The following CTPS2 variants were observed in gnomAD, a reference collection of about 807,000 sequenced individuals.
The protein encoded by CTPS2 is CTP synthase II.
CTPS2 carries 19 observed loss-of-function variants against 46.8 expected under a neutral mutation model. The observed-to-expected ratio is 0.41, with a 90% CI of 0.28 to 0.60. The LOEUF is 0.60. Ranked by LOEUF, CTPS2 falls within the 20% of genes least tolerant of loss-of-function variation. The pLI, the probability that CTPS2 is intolerant of heterozygous loss-of-function variation, is 0.35. For missense variants in CTPS2, 286 were observed against 447.6 expected (o/e 0.64, Z 3.26); for synonymous variants, 151 against 165.2 (o/e 0.91, Z 0.66).
chrX:16,676,463 T>C (rs1922284848), intron 10 of CTPS2, among the ~76,000 whole-genome samples: 1 of 112,206 alleles, frequency 8.9e-6, no homozygotes, highest in Admixed American at 9.5e-5. Context: ...TATCTGAGAT[T>C]CCTTATGGAA....
intron 10 of CTPS2, among the ~76,000 whole-genome samples, chrX:16,674,421 C>T (rs1341043316): frequency 9.0e-6 from 1 of 111,204 alleles, no homozygotes; most frequent in Non-Finnish European, 1.9e-5. Context: ...CCTCAGCCTC[C>T]CAAAGTGCTG....
rs764694933 is a variant in CTPS2 at position 16,693,213 on chromosome X, G to A, written c.567C>T (p.Thr189=). 28 of 1,206,352 alleles carry A rather than the reference G, an allele frequency of 2.3e-5. No homozygotes were observed. The highest frequency in any genetic ancestry group is 5.9e-5 in the East Asian group (2 of 33,713). ...HVSLVPQLSA[T]GEQKTKPTQN... The stretch of plus-strand genomic sequence containing the variant: ...GGGTGGGTTTGGTTTTTTGTTCTCC[G>A]GTAGCACTGAGCTGAAAAAAAATGG... The change falls in exon 6 of 19, where the codon ACC becomes ACT. Residue 189 remains threonine, a synonymous_variant. Transcript: ENST00000359276.
rs1298751693 is a variant in CTPS2, at chrX:16,680,585, GA to G, written c.1006-2136del. Among the ~76,000 whole-genome samples, 169 of 98,389 alleles carry G rather than the reference GA, an allele frequency of 1.7e-3. 1 individual carries two copies. The highest frequency in any genetic ancestry group is 5.6e-3 in the African/African-American group (152 of 27,118). The allele number at this position is 98,389 out of a possible 115,157, so 85.4% of individuals were successfully genotyped here. A position where few individuals can be genotyped will look rare whatever the true frequency, so the allele number is the denominator to read the frequency against. On this transcript the variant is annotated intron_variant, in intron 9 of 18. Transcript: ENST00000359276. ...AAAAAAAAAGAAAAAGAAAAGAAAAGAAAAAAAAAAGACTATTCAAATAAAC... is the reference window on the plus strand; with the variant it reads ...AAAAAAAAAGAAAAAGAAAAGAAAAGAAAAAAAAAGACTATTCAAATAAAC...
intron 17 of CTPS2, among the ~76,000 whole-genome samples, chrX:16,608,487 G>A (rs1930102295): frequency 9.0e-6 from 1 of 111,073 alleles, no homozygotes; most frequent in Admixed American, 9.7e-5. Context: ...CCAGCTAATT[G>A]GGAGACTGAG....
At chrX:16,673,052 A>G (rs1392336303) in intron 10 of CTPS2, among the ~76,000 whole-genome samples, 4 of 104,737 alleles carry the variant, frequency 3.8e-5, no homozygotes, top group African/African-American at 7.0e-5. Context: ...ACGCCCGGCT[A>G]ATTTTTTGTA....
chrX:16,614,885 T>A (rs1004074393), intron 16 of CTPS2, among the ~76,000 whole-genome samples: 4 of 109,953 alleles, frequency 3.6e-5, no homozygotes, highest in Non-Finnish European at 5.7e-5. Context: ...ACAAAAAAAA[T>A]TTTAAAATTG....
At chrX:16,621,868 C>A (rs1395665530) in intron 14 of CTPS2, among the ~76,000 whole-genome samples, 1 of 111,506 alleles carries the variant, frequency 9.0e-6, no homozygotes, top group Non-Finnish European at 1.9e-5. Context: ...CACAGCTGAA[C>A]TTCTATTTGC....
intron 6 of CTPS2, 62 bp downstream of exon 6, chrX:16,693,079 A>AG: frequency 1.4e-6 from 1 of 712,277 alleles, no homozygotes; most frequent in South Asian, 2.5e-5. Context: ...AAAAAAAAAA[A>AG]GAAGTGAAGG....
chrX:16,600,485 G>A (rs1180115588), intron 17 of CTPS2, among the ~76,000 whole-genome samples: 1 of 111,518 alleles, frequency 9.0e-6, no homozygotes, highest in Non-Finnish European at 1.9e-5. Flanking sequence ...AAGAACAATG[G>A]AACAAAAACT....
At chrX:16,685,437 C>T (rs964618724) in intron 8 of CTPS2, among the ~76,000 whole-genome samples, 1 of 110,898 alleles carries the variant, frequency 9.0e-6, no homozygotes, top group African/African-American at 3.3e-5. Context: ...CAAGGTCTCC[C>T]TCATGTGCCC....
chrX:16,665,121 TC>T (rs201544436), intron 13 of CTPS2, among the ~76,000 whole-genome samples: 1,335 of 112,110 alleles, frequency 0.012, 19 homozygotes, highest in African/African-American at 0.041. Context: ...ATGGCTATCA[TC>T]AAAAAGACAG....
intron 14 of CTPS2, among the ~76,000 whole-genome samples, chrX:16,623,839 C>T (rs375490138): frequency 2.5e-4 from 19 of 75,030 alleles, no homozygotes; most frequent in East Asian, 1.0e-3. Flanking sequence ...GACGGAGTCT[C>T]ACTCCGTCGC....
intron 1 of CTPS2, chrX:16,711,731 T>C (rs1469194860): frequency 2.7e-5 from 3 of 111,508 alleles, no homozygotes; most frequent in Non-Finnish European, 5.6e-5. Context: ...AAATGGGACA[T>C]TTTGTTGTAT....
chrX:16,618,982 T>C (rs1475818120), intron 15 of CTPS2, among the ~76,000 whole-genome samples: 1 of 112,026 alleles, frequency 8.9e-6, no homozygotes, highest in Non-Finnish European at 1.9e-5. Context: ...TAGGTGTGAA[T>C]GAATGAATGG....
intron 1 of CTPS2, among the ~76,000 whole-genome samples, chrX:16,705,970 G>A (rs780690189): frequency 1.7e-4 from 18 of 108,521 alleles, no homozygotes; most frequent in Non-Finnish European, 3.4e-4. Context: ...GTGTGGTGGT[G>A]CACACCTGTA....
intron 14 of CTPS2, among the ~76,000 whole-genome samples, chrX:16,620,681 G>A (rs907997570): frequency 3.6e-5 from 4 of 112,042 alleles, no homozygotes; most frequent in African/African-American, 1.3e-4. Context: ...GTGCAGATTT[G>A]TAATGAGCCT....
At chrX:16,613,435 G>C (rs1261499863) in intron 16 of CTPS2, among the ~76,000 whole-genome samples, 1 of 111,725 alleles carries the variant, frequency 9.0e-6, no homozygotes, top group Non-Finnish European at 1.9e-5. Context: ...TCTAGGGATG[G>C]CAGTGCAATT....
At chrX:16,638,367 C>G (rs917526636) in intron 14 of CTPS2, 3 of 111,434 alleles carry the variant, frequency 2.7e-5, no homozygotes, top group African/African-American at 9.8e-5. Flanking sequence ...TCTCTGCATC[C>G]GGTCCCCTTA....
chrX:16,603,145 G>A (rs780203561), intron 17 of CTPS2, among the ~76,000 whole-genome samples: 19 of 111,671 alleles, frequency 1.7e-4, no homozygotes, highest in Non-Finnish European at 9.4e-5. Context: ...GGCCTGGCGC[G>A]GTGGCTCACA....
Sources: gnomAD v4.1 joint callset for allele counts (sites outside exome capture counted in the v4.1 genomes callset) on GRCh38, gnomAD v4.1.1 for gene constraint, MANE v1.5 for transcripts, NCBI Gene and HGNC (gene_info 2026-07-23, HGNC 2026-07-21) for gene names.